Variants in KCNJ6 observed in about 807,000 individuals in gnomAD.
The protein encoded by KCNJ6 is G protein-activated inward rectifier potassium channel 2.
Under a neutral mutation model 34.2 loss-of-function variants are expected in KCNJ6, and 9 were observed. The observed-to-expected ratio is 0.26, with a 90% confidence interval of 0.16 to 0.46. The LOEUF is 0.46. KCNJ6 is among the 20% of genes least tolerant of loss of function. The probability of loss-of-function intolerance (pLI) is 1.00; values close to 1 mark genes in which losing one functional copy is unlikely to be tolerated. For synonymous variants in KCNJ6, 196 were observed against 207.1 expected (o/e 0.95, Z 0.46); for missense variants, 236 against 531.3 (o/e 0.44, Z 5.46).
At chr21:37,884,798 A>C (rs890766821) in intron 1 of KCNJ6, among the ~76,000 whole-genome samples, 5 of 152,172 alleles carry the variant, frequency 3.3e-5, no homozygotes, top group Non-Finnish European at 7.3e-5. Context: ...GCAGGAACCC[A>C]CTGCTTAAAC....
Position 37,872,138 on chromosome 21 carries a change from A to T in KCNJ6, c.-27-31429T>A, listed in dbSNP as rs537887083. Among the ~76,000 whole-genome samples, 61 of 152,304 alleles carry T rather than the reference A, an allele frequency of 4.0e-4. 1 individual carries two copies. In the South Asian group the frequency reaches 0.012, roughly 31 times the overall value. ...AAGAGCTACTCTGGTCCATCAACAC[A>T]GGGCAAGGCAGAAAAACAAGGCTGT... is the stretch of plus-strand genomic sequence containing the variant. On this transcript the variant is annotated intron_variant, in intron 1 of 3. Coordinates refer to ENST00000609713, the MANE Select transcript of KCNJ6 (RefSeq NM_002240.5).
chr21:37,733,599 CTTTTTTAGGG>C (rs772354260), intron 2 of KCNJ6, among the ~76,000 whole-genome samples: 2 of 152,142 alleles, frequency 1.3e-5, no homozygotes, highest in African/African-American at 4.8e-5. Context: ...AAAATATTCA[CTTTTTTAGGG>C]TTTTTTAGGA....
intron 2 of KCNJ6, among the ~76,000 whole-genome samples, chr21:37,780,380 T>C (rs1262224675): frequency 6.6e-6 from 1 of 152,200 alleles, no homozygotes; most frequent in African/African-American, 2.4e-5. Context: ...TGTATGATAA[T>C]GTAATGGTGG....
chr21:37,723,611 C>T (rs1427714839), intron 2 of KCNJ6, among the ~76,000 whole-genome samples: 1 of 152,164 alleles, frequency 6.6e-6, no homozygotes, highest in African/African-American at 2.4e-5. Flanking sequence ...AAATCACATC[C>T]TTTGCAGCAT....
At position 37,612,718 on chromosome 21, in the gene KCNJ6, C is replaced by T. The variant is rs2054247026; in HGVS notation, c.*12441G>A. On this transcript the variant is annotated 3_prime_UTR_variant, in exon 4 of 4. Coordinates refer to ENST00000609713, the MANE Select transcript of KCNJ6 (RefSeq NM_002240.5). Reference sequence around the variant, plus strand: ...TGAAATAGCTGCACATTTGCACATCCACAGGCAAAAAAAAAAAAAAAAAAA... The same window carrying T: ...TGAAATAGCTGCACATTTGCACATCTACAGGCAAAAAAAAAAAAAAAAAAA... 1 of 95,622 alleles carries T rather than the reference C, an allele frequency of 1.0e-5. No individual in the cohort carries two copies. Among genetic ancestry groups the T allele is most frequent in the Non-Finnish European group, 1.9e-5 (1 of 52,178 alleles). The allele number at this position is 95,622 out of a possible 1,614,324, so 5.9% of individuals were successfully genotyped here.
Position 37,909,520 on chromosome 21 carries a change from C to T in KCNJ6, c.-28+6364G>A, listed in dbSNP as rs138716569. Among the ~76,000 whole-genome samples, 156 of 152,222 alleles carry T rather than the reference C, an allele frequency of 1.0e-3. 1 individual carries two copies. Among genetic ancestry groups the T allele is most frequent in the African/African-American group, 3.6e-3 (149 of 41,518 alleles). On this transcript the variant is annotated intron_variant, in intron 1 of 3. Coordinates refer to ENST00000609713, the MANE Select transcript of KCNJ6 (RefSeq NM_002240.5). The stretch of plus-strand genomic sequence containing the variant: ...AGCTGGGACTACAGGCATGTGCCTC[C>T]ACACCTGGCTGATTTTTGTATTTTT...
intron 1 of KCNJ6, among the ~76,000 whole-genome samples, chr21:37,861,510 G>T (rs192456443): frequency 3.3e-5 from 5 of 152,278 alleles, no homozygotes; most frequent in Non-Finnish European, 7.3e-5. Context: ...AGGTACTGGG[G>T]GTTAGGACTT....
intron 1 of KCNJ6, among the ~76,000 whole-genome samples, chr21:37,863,550 T>A (rs2055605173): frequency 6.6e-6 from 1 of 152,234 alleles, no homozygotes; most frequent in South Asian, 2.1e-4. Context: ...GGATGTATTT[T>A]GCTTTATGCA....
At chr21:37,719,126 G>T (rs562298482) in intron 2 of KCNJ6, among the ~76,000 whole-genome samples, 7 of 152,206 alleles carry the variant, frequency 4.6e-5, no homozygotes, top group African/African-American at 1.7e-4. Context: ...GGAGGAGAGG[G>T]TGTGGGGTAT....
At chr21:37,842,695 C>G (rs1170520889) in intron 1 of KCNJ6, among the ~76,000 whole-genome samples, 1 of 151,690 alleles carries the variant, frequency 6.6e-6, no homozygotes, top group Non-Finnish European at 1.5e-5. Flanking sequence ...AGTGTCACGT[C>G]ACAGAGCTGA....
chr21:37,772,195 A>G, intron 2 of KCNJ6, among the ~76,000 whole-genome samples: 1 of 152,204 alleles, frequency 6.6e-6, no homozygotes, highest in Admixed American at 6.5e-5. Flanking sequence ...CCCCAAAATT[A>G]TATTTGAAAA....
chr21:37,797,229 T>C (rs1277139925), intron 2 of KCNJ6, among the ~76,000 whole-genome samples: 2 of 152,036 alleles, frequency 1.3e-5, no homozygotes, highest in African/African-American at 4.8e-5. Context: ...TTTTGTCTTT[T>C]TAGTAGAGAT....
intron 3 of KCNJ6, among the ~76,000 whole-genome samples, chr21:37,678,800 A>G (rs1458770589): frequency 6.6e-6 from 1 of 152,212 alleles, no homozygotes; most frequent in African/African-American, 2.4e-5. Flanking sequence ...GTGGTGAAGC[A>G]TGTAGCTGTT....
At position 37,616,183 on chromosome 21, in the gene KCNJ6, A is replaced by G. The variant is rs2054266112; in HGVS notation, c.*8976T>C. 6.6e-6 allele frequency: 1 copy of G among 152,296 alleles called. No individual in the cohort carries two copies. The highest frequency in any genetic ancestry group is 2.4e-5 in the African/African-American group (1 of 41,448). The allele number at this position is 152,296 out of a possible 1,614,324, so 9.4% of individuals were successfully genotyped here. On this transcript the variant is annotated 3_prime_UTR_variant, in exon 4 of 4. Transcript: ENST00000609713. ...CTGGGAGTTACCATGGCAGCCAAGCACATCCTCGGTAACCAGGCACCCACA... is the reference window on the plus strand; with the variant it reads ...CTGGGAGTTACCATGGCAGCCAAGCGCATCCTCGGTAACCAGGCACCCACA...
Position 37,739,913 on chromosome 21 carries a change from G to GAAA in KCNJ6, c.26-24785_26-24783dup, listed in dbSNP as rs56660401. Among the ~76,000 whole-genome samples the GAAA allele has an allele frequency of 8.1e-3, 1,192 of 147,658 alleles. 17 individuals carry two copies. Among genetic ancestry groups the GAAA allele is most frequent in the African/African-American group, 0.022 (874 of 40,062 alleles). On this transcript the variant is annotated intron_variant, in intron 2 of 3. Coordinates refer to ENST00000609713, the MANE Select transcript of KCNJ6 (RefSeq NM_002240.5). ...GGTTCATGAACAATTCTTTAGGTTTGAAAAAAAAAAAGATCAGGTGTTGTT... is the reference window on the plus strand; with the variant it reads ...GGTTCATGAACAATTCTTTAGGTTTGAAAAAAAAAAAAAAGATCAGGTGTTGTT...
intron 3 of KCNJ6, among the ~76,000 whole-genome samples, chr21:37,661,528 C>G (rs555119935): frequency 2.0e-5 from 3 of 150,964 alleles, no homozygotes; most frequent in Admixed American, 1.3e-4. Flanking sequence ...AATGCTGAAT[C>G]CTGCCTTAGA....
intron 1 of KCNJ6, among the ~76,000 whole-genome samples, chr21:37,851,035 C>T (rs1470607070): frequency 1.3e-5 from 2 of 152,118 alleles, no homozygotes; most frequent in South Asian, 2.1e-4. Context: ...TTGGGAGGGC[C>T]GTGATCAAGT....
chr21:37,849,476 C>T (rs1412994297), intron 1 of KCNJ6, among the ~76,000 whole-genome samples: 2 of 152,172 alleles, frequency 1.3e-5, no homozygotes, highest in South Asian at 2.1e-4. Context: ...TCCTTTCTTT[C>T]CCCTTTACTT....
intron 1 of KCNJ6, among the ~76,000 whole-genome samples, chr21:37,853,846 G>GTGTATATATATATATATACATATATATA (rs71198897): frequency 8.6e-6 from 1 of 115,992 alleles, no homozygotes; most frequent in African/African-American, 4.0e-5. Flanking sequence ...ATATATATAT[G>GTGTATATATATATATATACATATATATA]TATATATATA....
Sources: gnomAD v4.1 joint callset for allele counts (sites outside exome capture counted in the v4.1 genomes callset) on GRCh38, gnomAD v4.1.1 for gene constraint, MANE v1.5 for transcripts, NCBI Gene and HGNC (gene_info 2026-07-23, HGNC 2026-07-21) for gene names.